SGK1: variants seen among roughly 807,000 people sequenced by gnomAD.
SGK1 encodes the protein serum/glucocorticoid regulated kinase 1.
SGK1 carries 26 observed loss-of-function variants against 64.2 expected under a neutral mutation model. That is an observed-to-expected ratio of 0.40 (90% CI 0.30 to 0.56). The LOEUF is 0.56. Among genes scored for constraint, SGK1 ranks in the 20% least tolerant of loss-of-function variants. The probability of loss-of-function intolerance (pLI) is 0.38; values close to 1 mark genes in which losing one functional copy is unlikely to be tolerated. For missense variants in SGK1, 519 were observed against 645.6 expected, an observed-to-expected ratio of 0.80 and a Z score of 2.12; for synonymous variants, 265 against 239.7, an observed-to-expected ratio of 1.11 and a Z score of -0.98.
At chr6:134,316,702 C>G (rs1777689476) in intron 1 of SGK1, among the ~76,000 whole-genome samples, 1 of 136,724 alleles carries the variant, frequency 7.3e-6, no homozygotes, top group Non-Finnish European at 1.5e-5. Flanking sequence ...CAACATAACC[C>G]TGAATTATCA....
chr6:134,219,760 C>CAAAA (rs55704631), intron 2 of SGK1, among the ~76,000 whole-genome samples: 23 of 122,438 alleles, frequency 1.9e-4, no homozygotes, highest in African/African-American at 7.9e-4. Context: ...AACTCTGTCT[C>CAAAA]AAAAAAAAAA....
intron 3 of SGK1, among the ~76,000 whole-genome samples, chr6:134,188,908 CTTTTTT>C (rs34316759): frequency 6.4e-4 from 71 of 110,212 alleles, no homozygotes; most frequent in African/African-American, 2.3e-3. Context: ...ATTTCTTTTT[CTTTTTT>C]TTTTTTTTTT....
chr6:134,189,873 G>A (rs1049697306), intron 3 of SGK1, among the ~76,000 whole-genome samples: 6 of 151,894 alleles, frequency 4.0e-5, no homozygotes, highest in African/African-American at 7.3e-5. Flanking sequence ...GTTTTGAGAC[G>A]GAGTCTCACT....
intron 2 of SGK1, among the ~76,000 whole-genome samples, chr6:134,220,627 A>G (rs1046965078): frequency 2.6e-5 from 4 of 152,174 alleles, no homozygotes; most frequent in African/African-American, 9.7e-5. Flanking sequence ...AAATTGGCAA[A>G]GTTAGAGTTC....
chr6:134,294,395 C>T (rs1423366472), intron 1 of SGK1, among the ~76,000 whole-genome samples: 1 of 152,184 alleles, frequency 6.6e-6, no homozygotes, highest in Non-Finnish European at 1.5e-5. Flanking sequence ...AGTAATTCCT[C>T]ATCCCCCTTC....
rs188234977 is a variant in SGK1 at position 134,183,346 on chromosome 6, A to G, written c.362-8760T>C. ...CCCTTTTAACTGTTTGGCAATATAC[A>G]ATAACTTATTGTTAACTCTGATTTC... On this transcript the variant is annotated intron_variant, in intron 3 of 13. Transcript: ENST00000367858. Among the ~76,000 whole-genome samples the G allele has an allele frequency of 5.9e-5, 9 of 152,356 alleles. No homozygotes were observed. The East Asian group carries it at 1.7e-3, about 29-fold the overall frequency.
At chr6:134,289,696 G>A (rs1777235219) in intron 1 of SGK1, among the ~76,000 whole-genome samples, 1 of 151,938 alleles carries the variant, frequency 6.6e-6, no homozygotes, top group Non-Finnish European at 1.5e-5. Context: ...GTGCTCAATA[G>A]TCACATGTAG....
At chr6:134,220,472 A>G (rs2114701572) in intron 2 of SGK1, among the ~76,000 whole-genome samples, 1 of 152,204 alleles carries the variant, frequency 6.6e-6, no homozygotes, top group East Asian at 1.9e-4. Context: ...GTTGGTAGAA[A>G]TAGTTAGATA....
intron 2 of SGK1, among the ~76,000 whole-genome samples, chr6:134,217,163 A>G (rs1775999724): frequency 6.6e-6 from 1 of 152,218 alleles, no homozygotes; most frequent in African/African-American, 2.4e-5. Context: ...GTGAAAAGGC[A>G]GGGATGGGTG....
chr6:134,175,422 G>A (rs946190552), intron 3 of SGK1: 1 of 1,308,834 alleles, frequency 7.6e-7, no homozygotes, highest in Non-Finnish European at 9.8e-7. Context: ...TCGCCCGCCA[G>A]GTCCTCCCGT....
chr6:134,182,822 G>C (rs530684018), intron 3 of SGK1, among the ~76,000 whole-genome samples: 3 of 152,284 alleles, frequency 2.0e-5, no homozygotes, highest in Admixed American at 2.0e-4. Flanking sequence ...CAGTGCTCCT[G>C]AATGTGCTGT....
At chr6:134,287,021 TGTCACAG>T (rs1777195411) in intron 1 of SGK1, among the ~76,000 whole-genome samples, 1 of 152,046 alleles carries the variant, frequency 6.6e-6, no homozygotes, top group Non-Finnish European at 1.5e-5. Context: ...TGAGACGGAG[TGTCACAG>T]TGGTACCATC....
chr6:134,266,475 C>A (rs983110090), intron 1 of SGK1, among the ~76,000 whole-genome samples: 1 of 152,012 alleles, frequency 6.6e-6, no homozygotes, highest in African/African-American at 2.4e-5. Context: ...ATTAGCTGGG[C>A]GTGGTGGTGC....
intron 1 of SGK1, among the ~76,000 whole-genome samples, chr6:134,277,014 C>T (rs1201814643): frequency 2.6e-5 from 4 of 152,058 alleles, no homozygotes; most frequent in Admixed American, 6.6e-5. Flanking sequence ...TGTGCCACTG[C>T]ACTCCAGCCT....
At chr6:134,173,590 CT>C (rs746415144) in intron 5 of SGK1, 24 bp from the exon 6 acceptor site, 2 of 1,419,802 alleles carry the variant, frequency 1.4e-6, no homozygotes, top group East Asian at 2.3e-5. Flanking sequence ...AAAAGAATTT[CT>C]TTTAATACCA....
intron 1 of SGK1, among the ~76,000 whole-genome samples, chr6:134,311,094 G>T (rs1454832039): frequency 2.0e-5 from 3 of 152,096 alleles, no homozygotes; most frequent in Non-Finnish European, 4.4e-5. Flanking sequence ...GCTTGTCTTT[G>T]AGCCAGATTT....
intron 1 of SGK1, among the ~76,000 whole-genome samples, chr6:134,276,799 C>A (rs958656990): frequency 1.3e-5 from 2 of 152,152 alleles, no homozygotes; most frequent in Non-Finnish European, 2.9e-5. Flanking sequence ...CACCTATAAT[C>A]CCAGCACTTT....
chr6:134,297,224 G>A, intron 1 of SGK1: 2 of 975,978 alleles, frequency 2.0e-6, no homozygotes, highest in Non-Finnish European at 1.6e-6. Context: ...ACTCCAGCCG[G>A]CATTTCTAGC....
intron 3 of SGK1, among the ~76,000 whole-genome samples, chr6:134,178,801 G>A (rs1470880953): frequency 1.3e-5 from 2 of 151,874 alleles, no homozygotes; most frequent in African/African-American, 4.8e-5. Flanking sequence ...TAGGAGATAG[G>A]CTAATTACCT....
Sources: gnomAD v4.1 joint callset for allele counts (sites outside exome capture counted in the v4.1 genomes callset) on GRCh38, gnomAD v4.1.1 for gene constraint, MANE v1.5 for transcripts, NCBI Gene and HGNC (gene_info 2026-07-23, HGNC 2026-07-21) for gene names.